PCDHAC1: variants seen among roughly 807,000 people sequenced by gnomAD.
PCDHAC1 encodes protocadherin alpha subfamily C, 1.
Under a neutral mutation model 60.0 loss-of-function variants are expected in PCDHAC1, and 42 were observed. The ratio of observed to expected loss-of-function variants is 0.70; its 90% CI spans 0.55 to 0.90. The LOEUF is 0.90. Ranked by LOEUF, PCDHAC1 falls within the 40% of genes least tolerant of loss-of-function variation. The probability of loss-of-function intolerance (pLI) is 0.00; values close to 1 mark genes in which losing one functional copy is unlikely to be tolerated. For missense variants in PCDHAC1, 1,160 were observed against 1,222.3 expected (o/e 0.95, Z 0.76); for synonymous variants, 468 against 499.3 (o/e 0.94, Z 0.84).
intron 1 of PCDHAC1, among the ~76,000 whole-genome samples, chr5:140,939,880 G>T (rs2092484713): frequency 6.6e-6 from 1 of 152,140 alleles, no homozygotes; most frequent in African/African-American, 2.4e-5. Context: ...TTTGCTAGTT[G>T]TGTTGTTCAA....
At chr5:140,941,508 G>A (rs1296025812) in intron 1 of PCDHAC1, among the ~76,000 whole-genome samples, 1 of 151,286 alleles carries the variant, frequency 6.6e-6, no homozygotes, top group African/African-American at 2.4e-5. Flanking sequence ...GTAGAGACGA[G>A]GTTTCACCAT....
chr5:140,971,182 G>A (rs1158073557), intron 1 of PCDHAC1, among the ~76,000 whole-genome samples: 7 of 152,110 alleles, frequency 4.6e-5, no homozygotes, highest in Admixed American at 1.3e-4. Flanking sequence ...GCTGTAAGCC[G>A]GAAGCTCAGA....
intron 1 of PCDHAC1, among the ~76,000 whole-genome samples, chr5:140,963,206 A>C (rs988428405): frequency 2.0e-5 from 3 of 152,084 alleles, no homozygotes; most frequent in East Asian, 1.9e-4. Flanking sequence ...GAAAAAAAAA[A>C]CCTCGTGTTT....
intron 3 of PCDHAC1, 102 bp downstream of exon 3, chr5:140,982,665 A>G (rs1318068299): frequency 2.0e-6 from 3 of 1,465,204 alleles, no homozygotes; most frequent in Middle Eastern, 2.1e-4. Context: ...TTTCTTTTAT[A>G]TTTTTGTTAT....
At chr5:140,994,325 A>G (rs879964488) in intron 3 of PCDHAC1, among the ~76,000 whole-genome samples, 8 of 152,190 alleles carry the variant, frequency 5.3e-5, no homozygotes, top group African/African-American at 7.2e-5. Flanking sequence ...ACTCTCAGCA[A>G]CCATGAACAG....
intron 1 of PCDHAC1, chr5:140,967,642 C>T (rs1554229731): frequency 1.2e-6 from 2 of 1,614,164 alleles, no homozygotes. Flanking sequence ...ATGGTGAGCT[C>T]AGGTACTCCT....
At chr5:140,987,119 CAGG>C (rs1258206409) in intron 3 of PCDHAC1, among the ~76,000 whole-genome samples, 2 of 151,448 alleles carry the variant, frequency 1.3e-5, no homozygotes, top group Non-Finnish European at 2.9e-5. Flanking sequence ...GAGGCTGAGG[CAGG>C]AGAATTGCTT....
rs142150910 is a variant in PCDHAC1, at chr5:140,945,405, C to T, written c.2433+16080C>T. ...AGCAATATACAAATTCAATACAATTCGTATCAAAATTTCAATGAAGTTTTT... is the reference window on the plus strand; with the variant it reads ...AGCAATATACAAATTCAATACAATTTGTATCAAAATTTCAATGAAGTTTTT... On this transcript the variant is annotated intron_variant, in intron 1 of 3. Transcript: ENST00000253807. Among the ~76,000 whole-genome samples, 454 of 152,016 alleles carry T rather than the reference C, an allele frequency of 3.0e-3. 3 individuals are homozygous for T. Among genetic ancestry groups the T allele is most frequent in the African/African-American group, 9.6e-3 (400 of 41,488 alleles).
chr5:141,003,540 T>A (rs2098129225), intron 3 of PCDHAC1, among the ~76,000 whole-genome samples: 1 of 152,188 alleles, frequency 6.6e-6, no homozygotes, highest in Non-Finnish European at 1.5e-5. Flanking sequence ...CTTGAACTCC[T>A]GGCTTCAAGT....
chr5:140,937,921 A>G (rs1304092674), intron 1 of PCDHAC1, among the ~76,000 whole-genome samples: 2 of 152,184 alleles, frequency 1.3e-5, no homozygotes, highest in Non-Finnish European at 2.9e-5. Flanking sequence ...CAAAAAAAAA[A>G]AAAAAAGTTT....
rs1554205116 is a variant in PCDHAC1 at position 140,927,827 on chromosome 5, C to T, written c.935C>T (p.Ala312Val). The change falls in exon 1 of 4, where the codon GCG becomes GTG. Residue 312 changes from alanine (A) to valine (V), a missense_variant. Coordinates refer to ENST00000253807, the MANE Select transcript of PCDHAC1 (RefSeq NM_018898.5). ...PETLLEAYIE[A>V]RDEGVFGLAS... Reference sequence around the variant, plus strand: ...ACGCTCTTGGAGGCATACATTGAGGCGAGGGACGAAGGTGTCTTTGGTTTA... The same window carrying T: ...ACGCTCTTGGAGGCATACATTGAGGTGAGGGACGAAGGTGTCTTTGGTTTA... The T allele has an allele frequency of 1.2e-6, 2 of 1,614,100 alleles. No individual in the cohort carries two copies. The highest frequency in any genetic ancestry group is 2.2e-5 in the South Asian group (2 of 91,082).
intron 3 of PCDHAC1, among the ~76,000 whole-genome samples, chr5:140,988,734 T>C (rs2097310672): frequency 1.3e-5 from 2 of 152,212 alleles, no homozygotes. Context: ...ATAGTAATTA[T>C]TCTAGGATTG....
intron 3 of PCDHAC1, among the ~76,000 whole-genome samples, chr5:140,987,224 A>AT (rs34154612): frequency 0.031 from 4,713 of 152,034 alleles, 257 homozygotes; most frequent in African/African-American, 0.11. Context: ...AAAAAAAAAA[A>AT]AAATAATAAA....
intron 3 of PCDHAC1, among the ~76,000 whole-genome samples, chr5:140,991,953 G>A (rs545142966): frequency 3.9e-5 from 6 of 152,110 alleles, no homozygotes; most frequent in Non-Finnish European, 8.8e-5. Context: ...TTAGAATGCA[G>A]TCATTTTGGT....
intron 1 of PCDHAC1, among the ~76,000 whole-genome samples, chr5:140,933,147 A>G (rs1584764690): frequency 6.6e-6 from 1 of 151,986 alleles, no homozygotes. Context: ...ATAGCCACTC[A>G]TTTTGTTCCC....
chr5:140,979,076 C>T, intron 2 of PCDHAC1, 69 bp downstream of exon 2: 1 of 1,584,068 alleles, frequency 6.3e-7, no homozygotes, highest in Non-Finnish European at 8.6e-7. Flanking sequence ...AACTGCATCT[C>T]CATAGGCCAG....
intron 3 of PCDHAC1, chr5:140,989,054 A>G (rs1481333744): frequency 6.6e-6 from 1 of 152,214 alleles, no homozygotes; most frequent in African/African-American, 2.4e-5. Flanking sequence ...TGCCAGCTAC[A>G]TTGAGGCAAT....
rs1290626143 is a variant in PCDHAC1 at position 141,010,228 on chromosome 5, C to G, written c.*291C>G. On this transcript the variant is annotated 3_prime_UTR_variant, in exon 4 of 4. Transcript: ENST00000253807. ...CCGCAAAGGAGAGGCTTCCCAGCCC[C>G]GCCAGTGAGAGGTTGGACTCTCTGC... The G allele has an allele frequency of 1.1e-5, 17 of 1,551,916 alleles. No individual in the cohort carries two copies. Among genetic ancestry groups the G allele is most frequent in the Non-Finnish European group, 1.5e-5 (17 of 1,147,054 alleles).
chr5:141,001,913 C>T (rs545106723), intron 3 of PCDHAC1, among the ~76,000 whole-genome samples: 2 of 152,296 alleles, frequency 1.3e-5, no homozygotes, highest in South Asian at 2.1e-4. Flanking sequence ...AAAAAGACTG[C>T]AGTGGCTGAC....
Sources: allele counts gnomAD v4.1 joint callset (sites outside exome capture counted in the v4.1 genomes callset), GRCh38; gene constraint gnomAD v4.1.1; transcripts MANE v1.5; gene names NCBI Gene and HGNC (gene_info 2026-07-23, HGNC 2026-07-21).